TEAD1: variants seen among roughly 807,000 people sequenced by gnomAD.
TEAD1 encodes transcriptional enhancer factor TEF-1.
A neutral mutation model predicts 54.9 loss-of-function variants in TEAD1; 9 were observed. That is an observed-to-expected ratio of 0.16 (90% CI 0.10 to 0.29). The LOEUF (loss-of-function observed/expected upper bound fraction) is 0.29. Ranked by LOEUF, TEAD1 falls within the 10% of genes least tolerant of loss-of-function variation. The probability of loss-of-function intolerance (pLI) is 1.00; values close to 1 mark genes in which losing one functional copy is unlikely to be tolerated. For missense variants in TEAD1, 387 were observed against 535.9 expected (o/e 0.72, Z 2.74); for synonymous variants, 200 against 187.8 (o/e 1.07, Z -0.53).
intron 2 of TEAD1, among the ~76,000 whole-genome samples, chr11:12,697,385 T>C (rs1366659355): frequency 6.6e-6 from 1 of 152,106 alleles, no homozygotes; most frequent in African/African-American, 2.4e-5. Flanking sequence ...GGTGTCAGAA[T>C]AAAAGCCTGC....
intron 3 of TEAD1, among the ~76,000 whole-genome samples, chr11:12,854,967 G>A (rs1275799620): frequency 6.6e-6 from 1 of 152,142 alleles, no homozygotes; most frequent in Non-Finnish European, 1.5e-5. Context: ...GTCCATGTGT[G>A]ACCAGTGGAT....
At chr11:12,754,099 C>G (rs1039066936) in intron 2 of TEAD1, among the ~76,000 whole-genome samples, 1 of 152,150 alleles carries the variant, frequency 6.6e-6, no homozygotes. Context: ...TTTTCATTAT[C>G]TTTGTGCCAG....
intron 5 of TEAD1, 139 bp from the exon 6 acceptor site, chr11:12,879,569 A>G: frequency 4.0e-6 from 4 of 1,002,264 alleles, no homozygotes; most frequent in Middle Eastern, 4.6e-4. Context: ...TGGCTGTGTT[A>G]TTTATCCATG....
At chr11:12,865,405 T>C (rs1269939059) in intron 5 of TEAD1, 2 of 161,570 alleles carry the variant, frequency 1.2e-5, no homozygotes, top group Non-Finnish European at 2.7e-5. Flanking sequence ...TTATAAAAAA[T>C]ACGTCTTTTT....
At chr11:12,886,883 G>A (rs1235507548) in intron 9 of TEAD1, among the ~76,000 whole-genome samples, 3 of 152,042 alleles carry the variant, frequency 2.0e-5, no homozygotes. Context: ...ATATGTTGAT[G>A]TTTCTGGCTT....
intron 2 of TEAD1, among the ~76,000 whole-genome samples, chr11:12,721,661 T>C (rs1048027607): frequency 1.3e-5 from 2 of 152,218 alleles, no homozygotes; most frequent in African/African-American, 4.8e-5. Flanking sequence ...CATGTGAAAT[T>C]GGATAACGTC....
At chr11:12,859,309 G>T (rs747727648) in intron 3 of TEAD1, among the ~76,000 whole-genome samples, 2 of 152,194 alleles carry the variant, frequency 1.3e-5, no homozygotes, top group Admixed American at 6.5e-5. Context: ...CAAGTTTGAG[G>T]GTAGGAGACA....
At chr11:12,797,052 G>T (rs1945945276) in intron 3 of TEAD1, among the ~76,000 whole-genome samples, 1 of 151,858 alleles carries the variant, frequency 6.6e-6, no homozygotes, top group Non-Finnish European at 1.5e-5. Flanking sequence ...GGCGGAGCTT[G>T]CAGTGAGCCA....
intron 2 of TEAD1, among the ~76,000 whole-genome samples, chr11:12,718,647 A>T (rs967066285): frequency 6.6e-6 from 1 of 151,580 alleles, no homozygotes; most frequent in Non-Finnish European, 1.5e-5. Flanking sequence ...TAATGTGCTG[A>T]TTTTGTATAA....
intron 3 of TEAD1, among the ~76,000 whole-genome samples, chr11:12,782,876 G>A (rs1189678890): frequency 6.6e-6 from 1 of 152,166 alleles, no homozygotes; most frequent in Non-Finnish European, 1.5e-5. Context: ...TAGGAGCTGA[G>A]TGCTGCTTTT....
chr11:12,795,973 G>C (rs1945910819), intron 3 of TEAD1, among the ~76,000 whole-genome samples: 1 of 152,148 alleles, frequency 6.6e-6, no homozygotes, highest in Non-Finnish European at 1.5e-5. Flanking sequence ...TATAAGTTGA[G>C]GACCACTGTG....
At chr11:12,854,811 G>A (rs1413614347) in intron 3 of TEAD1, among the ~76,000 whole-genome samples, 1 of 149,660 alleles carries the variant, frequency 6.7e-6, no homozygotes, top group Admixed American at 6.7e-5. Context: ...AGCCAGGCTG[G>A]TCTCAAACTC....
chr11:12,941,618 T>C lies in TEAD1; in HGVS notation c.*4396T>C, dbSNP rs1949163315. 6.6e-6 allele frequency: 1 copy of C among 152,610 alleles called. No individual in the cohort carries two copies. The highest frequency in any genetic ancestry group is 2.1e-4 in the South Asian group (1 of 4,788). The allele number at this position is 152,610 out of a possible 1,614,324, so 9.5% of individuals were successfully genotyped here. A position where few individuals can be genotyped will look rare whatever the true frequency, so the allele number is the denominator to read the frequency against. ...TAACGAAGGGTAGAACTAATTCTGT[T>C]TGTCAGTGTTCACACCTGTAACATT... On this transcript the variant is annotated 3_prime_UTR_variant, in exon 13 of 13. Coordinates refer to ENST00000527636, the MANE Select transcript of TEAD1 (RefSeq NM_021961.6).
chr11:12,778,761 A>G (rs1297319419), intron 3 of TEAD1, among the ~76,000 whole-genome samples: 5 of 152,098 alleles, frequency 3.3e-5, no homozygotes, highest in African/African-American at 9.7e-5. Context: ...TTTTTATGAC[A>G]TTTACAACAT....
At chr11:12,886,117 G>A (rs1053660775) in intron 9 of TEAD1, among the ~76,000 whole-genome samples, 1 of 152,230 alleles carries the variant, frequency 6.6e-6, no homozygotes, top group Non-Finnish European at 1.5e-5. Context: ...GACAGGGAGA[G>A]AATAAGGGAG....
At chr11:12,847,434 G>A (rs1947177283) in intron 3 of TEAD1, among the ~76,000 whole-genome samples, 1 of 150,058 alleles carries the variant, frequency 6.7e-6, no homozygotes, top group South Asian at 2.2e-4. Context: ...AGTGGAGGAA[G>A]TGCCAGCTGC....
chr11:12,782,168 G>A (rs981262008), intron 3 of TEAD1, among the ~76,000 whole-genome samples: 1 of 151,910 alleles, frequency 6.6e-6, no homozygotes, highest in Non-Finnish European at 1.5e-5. Flanking sequence ...ATTTATAGCA[G>A]CATTATTTCT....
At chr11:12,891,428 G>A (rs1387458761) in intron 9 of TEAD1, among the ~76,000 whole-genome samples, 1 of 152,214 alleles carries the variant, frequency 6.6e-6, no homozygotes, top group Non-Finnish European at 1.5e-5. Context: ...CCATGGCTGA[G>A]GAAATGGCAG....
intron 2 of TEAD1, among the ~76,000 whole-genome samples, chr11:12,758,413 T>G (rs896460627): frequency 4.2e-5 from 6 of 142,676 alleles, no homozygotes; most frequent in East Asian, 2.0e-4. Flanking sequence ...TAGTTTTTTT[T>G]TTTTTTTTTT....
Sources: allele counts gnomAD v4.1 joint callset (sites outside exome capture counted in the v4.1 genomes callset), GRCh38; gene constraint gnomAD v4.1.1; transcripts MANE v1.5; gene names NCBI Gene and HGNC (gene_info 2026-07-23, HGNC 2026-07-21).